Variants in KANK1 observed in about 807,000 individuals in gnomAD.
The protein encoded by KANK1 is KN motif and ankyrin repeat domain-containing protein 1.
Under a neutral mutation model 106.2 loss-of-function variants are expected in KANK1, and 109 were observed. The ratio of observed to expected loss-of-function variants is 1.03; its 90% CI spans 0.88 to 1.20. The LOEUF is 1.20. Among genes scored for constraint, KANK1 ranks in the 50% most tolerant of loss-of-function variants. The pLI is 0.00. For missense variants in KANK1, 2,399 were observed against 1,710.7 expected (o/e 1.40, Z -7.10); for synonymous variants, 873 against 652.2 (o/e 1.34, Z -5.16).
At chr9:726,659 A>G (rs1200410687) in intron 3 of KANK1, among the ~76,000 whole-genome samples, 2 of 151,656 alleles carry the variant, frequency 1.3e-5, no homozygotes, top group African/African-American at 4.9e-5. Context: ...ACTTGAACGG[A>G]GACAAAAATT....
chr9:678,688 T>A (rs566993199), intron 2 of KANK1, among the ~76,000 whole-genome samples: 14 of 152,308 alleles, frequency 9.2e-5, no homozygotes, highest in Middle Eastern at 3.4e-3. Context: ...ATTGCACTAC[T>A]GCCCTCCAGC....
chr9:569,476 A>G (rs1461822918), intron 1 of KANK1, among the ~76,000 whole-genome samples: 1 of 152,110 alleles, frequency 6.6e-6, no homozygotes, highest in Non-Finnish European at 1.5e-5. Context: ...CGGCCGCCTC[A>G]CCATGTGATT....
At chr9:472,057 C>T (rs1266334294) in intron 2 of KANK1, among the ~76,000 whole-genome samples, 1 of 152,184 alleles carries the variant, frequency 6.6e-6, no homozygotes, top group Non-Finnish European at 1.5e-5. Context: ...GTCACATCCC[C>T]ATACGCCAAA....
intron 1 of KANK1, among the ~76,000 whole-genome samples, chr9:530,284 A>G (rs111712348): frequency 0.014 from 2,124 of 152,338 alleles, 51 homozygotes; most frequent in African/African-American, 0.047. Context: ...ATGAAGAGAA[A>G]AAGGCGTTCC....
intron 1 of KANK1, among the ~76,000 whole-genome samples, chr9:637,790 A>AAT (rs140111597): frequency 0.014 from 2,091 of 152,302 alleles, 64 homozygotes; most frequent in African/African-American, 0.048. Flanking sequence ...TGAGACTACC[A>AAT]ATGTCATATA....
At chr9:729,568 G>C (rs548197065) in intron 3 of KANK1, among the ~76,000 whole-genome samples, 2 of 152,200 alleles carry the variant, frequency 1.3e-5, no homozygotes, top group Non-Finnish European at 2.9e-5. Flanking sequence ...AGGAGGAGTG[G>C]GAAATGAAGT....
chr9:482,218 T>C (rs958422548), intron 3 of KANK1, among the ~76,000 whole-genome samples: 8 of 152,204 alleles, frequency 5.3e-5, no homozygotes, highest in African/African-American at 1.9e-4. Context: ...TTGGGCTACC[T>C]CTTGGACAAT....
chr9:606,174 CACACACACCA>C (rs1165312108), intron 1 of KANK1, among the ~76,000 whole-genome samples: 7 of 145,884 alleles, frequency 4.8e-5, no homozygotes, highest in Non-Finnish European at 1.0e-4. Context: ...CACACACACA[CACACACACCA>C]CTCACACATA....
chr9:538,840 C>T (rs1333954645), intron 1 of KANK1, among the ~76,000 whole-genome samples: 1 of 152,146 alleles, frequency 6.6e-6, no homozygotes, highest in East Asian at 1.9e-4. Flanking sequence ...TCATAAATGA[C>T]ACCTATAAAA....
intron 1 of KANK1, among the ~76,000 whole-genome samples, chr9:512,061 C>G (rs769212380): frequency 6.6e-6 from 1 of 152,118 alleles, no homozygotes; most frequent in South Asian, 2.1e-4. Context: ...ATGCTGGGCT[C>G]AGCAATGACT....
intron 1 of KANK1, among the ~76,000 whole-genome samples, chr9:564,075 T>G (rs1295842059): frequency 6.6e-6 from 1 of 151,776 alleles, no homozygotes; most frequent in African/African-American, 2.4e-5. Flanking sequence ...TTTTTTTTTT[T>G]TTGAGACAGA....
rs1191556942 is a variant in KANK1, at chr9:558,066, A to G, written c.-84+53312A>G. On this transcript the variant is annotated intron_variant, in intron 1 of 11. Transcript: ENST00000382297. ...AATGTCAAGGAACCCAGGAGTGAAG[A>G]TCGGATTAGTCAGATGCTGTGAGAG... is the stretch of plus-strand genomic sequence containing the variant. Among the ~76,000 whole-genome samples the G allele has an allele frequency of 1.4e-4, 22 of 152,216 alleles. 2 individuals are homozygous for G. Among genetic ancestry groups the G allele is most frequent in the Admixed American group, 1.4e-3 (22 of 15,272 alleles).
At chr9:642,116 C>T (rs887043622) in intron 1 of KANK1, among the ~76,000 whole-genome samples, 7 of 152,182 alleles carry the variant, frequency 4.6e-5, no homozygotes, top group African/African-American at 1.7e-4. Context: ...CTCACATGAA[C>T]TGTTGGCTTG....
At chr9:594,899 G>A (rs532741197) in intron 1 of KANK1, among the ~76,000 whole-genome samples, 48 of 151,770 alleles carry the variant, frequency 3.2e-4, no homozygotes, top group Admixed American at 1.3e-3. Flanking sequence ...ACTGTGTATT[G>A]ATAATGGCTT....
At chr9:537,687 C>A (rs769893807) in intron 1 of KANK1, among the ~76,000 whole-genome samples, 2 of 152,012 alleles carry the variant, frequency 1.3e-5, no homozygotes, top group African/African-American at 4.8e-5. Context: ...GGTGGGAGAT[C>A]GATTTTTGCC....
intron 1 of KANK1, among the ~76,000 whole-genome samples, chr9:618,455 A>C (rs1588297721): frequency 6.6e-6 from 1 of 152,036 alleles, no homozygotes; most frequent in Admixed American, 6.6e-5. Context: ...TGATCTGCCC[A>C]CCTCAGCCTC....
chr9:627,385 CT>C (rs1834607681), intron 1 of KANK1, among the ~76,000 whole-genome samples: 1 of 141,748 alleles, frequency 7.1e-6, no homozygotes, highest in South Asian at 2.1e-4. Flanking sequence ...CTTCTGCCCC[CT>C]CCTAGCCACA....
At chr9:581,460 C>G (rs1369775353) in intron 1 of KANK1, among the ~76,000 whole-genome samples, 1 of 152,158 alleles carries the variant, frequency 6.6e-6, no homozygotes, top group African/African-American at 2.4e-5. Flanking sequence ...ATCCGTGATC[C>G]ACTGATGGAA....
At chr9:607,640 G>C (rs1372859948) in intron 1 of KANK1, among the ~76,000 whole-genome samples, 1 of 151,670 alleles carries the variant, frequency 6.6e-6, no homozygotes, top group Non-Finnish European at 1.5e-5. Flanking sequence ...GCCTCACCCA[G>C]TCCAGGACGG....
Sources: gnomAD v4.1 joint callset for allele counts (sites outside exome capture counted in the v4.1 genomes callset) on GRCh38, gnomAD v4.1.1 for gene constraint, MANE v1.5 for transcripts, NCBI Gene and HGNC (gene_info 2026-07-23, HGNC 2026-07-21) for gene names.